Variants in ZNF764 observed in about 807,000 individuals in gnomAD.
ZNF764 encodes the protein zinc finger protein 764.
A neutral mutation model predicts 13.9 loss-of-function variants in ZNF764; 10 were observed. The ratio of observed to expected loss-of-function variants is 0.72; its 90% CI spans 0.44 to 1.22. ZNF764 has a LOEUF of 1.22. Among genes scored for constraint, ZNF764 ranks in the 50% most tolerant of loss-of-function variants. The pLI is 0.00. For missense variants in ZNF764, 647 were observed against 589.7 expected (o/e 1.10, Z -1.01); for synonymous variants, 313 against 255.1 (o/e 1.23, Z -2.16).
rs2051545656 is a variant in ZNF764 at position 30,555,623 on chromosome 16, G to A, written c.795C>T (p.Arg265=). The change falls in exon 3 of 3, where the codon CGC becomes CGT. Residue 265 remains arginine (R), a synonymous_variant. Transcript: ENST00000395091. The stretch of plus-strand genomic sequence containing the variant: ...AGAGGGCAGAGCTCTGGCTGAAGCG[G>A]CGGCCACAGTCGGCGCAGCCATAGG... The part of the protein sequence containing the change: ...EKPYGCADCG[R]RFSQSSALYQ... 2 of 1,541,216 alleles carry A rather than the reference G, an allele frequency of 1.3e-6. No individual in the cohort carries two copies. The highest frequency in any genetic ancestry group is 2.0e-5 in the Admixed American group (1 of 51,198).
chr16:30,556,633 A>G (rs974558774), intron 2 of ZNF764, among the ~76,000 whole-genome samples: 1 of 150,674 alleles, frequency 6.6e-6, no homozygotes, highest in Non-Finnish European at 1.5e-5. Context: ...GGAGGTAGAG[A>G]AGGAGGATCA....
chr16:30,558,049 G>A lies in ZNF764; in HGVS notation c.134C>T (p.Pro45Leu). 6.2e-7 allele frequency: 1 copy of A among 1,612,052 alleles called. No individual in the cohort carries two copies. Among genetic ancestry groups the A allele is most frequent in the Non-Finnish European group, 8.5e-7 (1 of 1,179,388 alleles). Residue 45 changes from proline to leucine, a missense_variant, in exon 1 of 3, where the codon CCA becomes CTA. Physicochemically the swap from Pro to Leu is moderately conservative, Grantham distance 98. Coordinates refer to ENST00000395091, the MANE Select transcript of ZNF764 (RefSeq NM_001172679.2). ...GTCCCGGTACAGGGCCCTCTGCGCT[G>A]GCCGCAAGCAGCCCCACTCCTCCCG... ...FCREEWGCLRPAQRALYRDVM... is the reference protein window; with the variant it reads ...FCREEWGCLRLAQRALYRDVM...
At chr16:30,556,149 C>T in intron 2 of ZNF764, 42 bp from the exon 3 acceptor site, 4 of 1,604,726 alleles carry the variant, frequency 2.5e-6, no homozygotes, top group Non-Finnish European at 3.4e-6. Context: ...CTCGGCTCAT[C>T]CTGGTCCTTG....
In ZNF764 at chr16:30,558,266, T is replaced by TACCCGG; in HGVS notation, c.-85_-84insCCGGGT. ...GGAACCTCCTGCGCCCGAGAAAGCC[T>TACCCGG]CCCCGGCCCGGGCCCAAGGGAAGGA... On this transcript the variant is annotated 5_prime_UTR_variant, in exon 1 of 3. Transcript: ENST00000395091. 7.0e-7 allele frequency: 1 copy of TACCCGG among 1,420,572 alleles called. No individual in the cohort carries two copies. Among genetic ancestry groups the TACCCGG allele is most frequent in the African/African-American group, 1.4e-5 (1 of 69,160 alleles). 88.0% of individuals were successfully genotyped at this position (1,420,572 alleles called of 1,614,324 possible). A position where few individuals can be genotyped will look rare whatever the true frequency, so the allele number is the denominator to read the frequency against.
At position 30,555,071 on chromosome 16, in the gene ZNF764, C is replaced by T; in HGVS notation, c.*123G>A. The T allele has an allele frequency of 8.3e-7, 1 of 1,205,144 alleles. No individual in the cohort carries two copies. Among genetic ancestry groups the T allele is most frequent in the Non-Finnish European group, 1.1e-6 (1 of 874,200 alleles). 74.7% of individuals were successfully genotyped at this position (1,205,144 alleles called of 1,614,324 possible). A position where few individuals can be genotyped will look rare whatever the true frequency, so the allele number is the denominator to read the frequency against. ...TGCTAAGGGCCCAAGATCAGACTGT[C>T]CGCACCCCAGGGCCAGCTCTTGCCC... On this transcript the variant is annotated 3_prime_UTR_variant, in exon 3 of 3. Coordinates refer to ENST00000395091, the MANE Select transcript of ZNF764 (RefSeq NM_001172679.2).
rs752011232 is a variant in ZNF764 at position 30,555,785 on chromosome 16, G to A, written c.633C>T (p.Phe211=). 2.7e-5 allele frequency: 43 copies of A among 1,609,966 alleles called. No homozygotes were observed. The East Asian group carries it at 6.5e-4, about 24-fold the overall frequency. ...PFHCTDCGKG[F]GHASSLSKHR... ...GTTTGCTCAGGGAGGAAGCGTGGCC[G>A]AAGCCCTTGCCGCAGTCAGTGCAGT... is the stretch of plus-strand genomic sequence containing the variant. The change falls in exon 3 of 3, where the codon TTC becomes TTT. Residue 211 remains phenylalanine (F), a synonymous_variant. Coordinates refer to ENST00000395091, the MANE Select transcript of ZNF764 (RefSeq NM_001172679.2).
At position 30,558,256 on chromosome 16, in the gene ZNF764, C is replaced by T; in HGVS notation, c.-74G>A. The stretch of plus-strand genomic sequence containing the variant: ...CTGGGCCTGCGGAACCTCCTGCGCC[C>T]GAGAAAGCCTCCCCGGCCCGGGCCC... On this transcript the variant is annotated 5_prime_UTR_variant, in exon 1 of 3. Transcript: ENST00000395091. 2.8e-6 allele frequency: 4 copies of T among 1,436,854 alleles called. No individual in the cohort carries two copies. Among genetic ancestry groups the T allele is most frequent in the Non-Finnish European group, 3.7e-6 (4 of 1,094,952 alleles). 89.0% of individuals were successfully genotyped at this position (1,436,854 alleles called of 1,614,324 possible). A position where few individuals can be genotyped will look rare whatever the true frequency, so the allele number is the denominator to read the frequency against.
At chr16:30,556,764 G>C (rs1025887254) in intron 2 of ZNF764, among the ~76,000 whole-genome samples, 2 of 152,094 alleles carry the variant, frequency 1.3e-5, no homozygotes, top group Admixed American at 6.5e-5. Flanking sequence ...ACTTTGGAAG[G>C]CCGAAGCAGG....
At position 30,554,113 on chromosome 16, in the gene ZNF764, G is replaced by A. The variant is rs578190426; in HGVS notation, c.*1081C>T. 9.8e-4 allele frequency: 150 copies of A among 152,350 alleles called. No individual in the cohort carries two copies. The highest frequency in any genetic ancestry group is 3.5e-3 in the African/African-American group (147 of 41,578). The allele number at this position is 152,350 out of a possible 1,614,324, so 9.4% of individuals were successfully genotyped here. On this transcript the variant is annotated 3_prime_UTR_variant, in exon 3 of 3. Coordinates refer to ENST00000395091, the MANE Select transcript of ZNF764 (RefSeq NM_001172679.2). ...GGCTCCGGCTCAGCTCCCAACAACTGTGGTTTTGTCGGAGCCTAGGTCGAG... is the reference window on the plus strand; with the variant it reads ...GGCTCCGGCTCAGCTCCCAACAACTATGGTTTTGTCGGAGCCTAGGTCGAG...
Position 30,555,641 on chromosome 16 carries a change from G to A in ZNF764, c.777C>T (p.Gly259=). The change falls in exon 3 of 3, where the codon GGC becomes GGT. Residue 259 remains glycine, a synonymous_variant. Transcript: ENST00000395091. ...LRVHTGEKPY[G]CADCGRRFSQ... ...TGAAGCGGCGGCCACAGTCGGCGCA[G>A]CCATAGGGTTTCTCGCCGGTGTGGA... 1.3e-6 allele frequency: 2 copies of A among 1,542,432 alleles called. No homozygotes were observed. Among genetic ancestry groups the A allele is most frequent in the Non-Finnish European group, 8.7e-7 (1 of 1,148,844 alleles).
rs1030446568 is a variant in ZNF764, at chr16:30,554,983, C to A, written c.*211G>T. 4 of 575,504 alleles carry A rather than the reference C, an allele frequency of 7.0e-6. No individual in the cohort carries two copies. Among genetic ancestry groups the A allele is most frequent in the Non-Finnish European group, 1.2e-5 (4 of 342,514 alleles). 35.6% of individuals were successfully genotyped at this position (575,504 alleles called of 1,614,324 possible). Reference sequence around the variant, plus strand: ...TCTGGGGGTTCTCAACTCAGCCCTGCCTCAGTAGAGGGGGCCTTGGAGAGC... The same window carrying A: ...TCTGGGGGTTCTCAACTCAGCCCTGACTCAGTAGAGGGGGCCTTGGAGAGC... On this transcript the variant is annotated 3_prime_UTR_variant, in exon 3 of 3. Coordinates refer to ENST00000395091, the MANE Select transcript of ZNF764 (RefSeq NM_001172679.2).
intron 2 of ZNF764, among the ~76,000 whole-genome samples, 198 bp from the exon 3 acceptor site, chr16:30,556,305 A>G (rs911721618): frequency 3.9e-5 from 6 of 151,938 alleles, no homozygotes; most frequent in African/African-American, 4.8e-5. Flanking sequence ...GGGCTGGGGA[A>G]ATGTCACGGT....
intron 2 of ZNF764, 34 bp from the exon 3 acceptor site, chr16:30,556,141 C>A: frequency 6.2e-7 from 1 of 1,606,264 alleles, no homozygotes; most frequent in Non-Finnish European, 8.5e-7. Flanking sequence ...AGTTCAGGCT[C>A]GGCTCATCCT....
Position 30,556,679 on chromosome 16 carries a change from G to A in ZNF764, c.311-572C>T, listed in dbSNP as rs527928143. On this transcript the variant is annotated intron_variant, in intron 2 of 2. Transcript: ENST00000395091. ...TCAGGACCAGCCTGGGCAACACACCGAGAGCCAAGACCCCCTCTATAAAAT... is the reference window on the plus strand; with the variant it reads ...TCAGGACCAGCCTGGGCAACACACCAAGAGCCAAGACCCCCTCTATAAAAT... 4.3e-4 allele frequency among the ~76,000 whole-genome samples: 66 copies of A among 151,888 alleles called. No homozygotes were observed. The Middle Eastern group carries it at 0.01, about 23-fold the overall frequency.
chr16:30,555,086 A>G lies in ZNF764; in HGVS notation c.*108T>C. 7.4e-7 allele frequency: 1 copy of G among 1,350,292 alleles called. No individual in the cohort carries two copies. Among genetic ancestry groups the G allele is most frequent in the South Asian group, 1.4e-5 (1 of 69,152 alleles). 83.6% of individuals were successfully genotyped at this position (1,350,292 alleles called of 1,614,324 possible). A position where few individuals can be genotyped will look rare whatever the true frequency, so the allele number is the denominator to read the frequency against. On this transcript the variant is annotated 3_prime_UTR_variant, in exon 3 of 3. Transcript: ENST00000395091. ...ATCAGACTGTCCGCACCCCAGGGCCAGCTCTTGCCCTAGATTCTGGGACCT... is the reference window on the plus strand; with the variant it reads ...ATCAGACTGTCCGCACCCCAGGGCCGGCTCTTGCCCTAGATTCTGGGACCT...
At position 30,555,910 on chromosome 16, in the gene ZNF764, C is replaced by T. The variant is rs1481942017; in HGVS notation, c.508G>A (p.Ala170Thr). 3 of 1,611,616 alleles carry T rather than the reference C, an allele frequency of 1.9e-6. No homozygotes were observed. The highest frequency in any genetic ancestry group is 4.5e-5 in the East Asian group (2 of 44,866). ...SLCAHPPVPR[A>T]DQRHGCYVCG... ...ACGTAGCAGCCATGACGCTGGTCAG[C>T]TCGGGGGACAGGGGGGTGGGCACAG... The change falls in exon 3 of 3, where the codon GCT becomes ACT. Residue 170 changes from alanine (A) to threonine (T), a missense_variant. Physicochemically the swap from Ala to Thr is moderately conservative, Grantham distance 58 (BLOSUM62 0). Coordinates refer to ENST00000395091, the MANE Select transcript of ZNF764 (RefSeq NM_001172679.2).
rs555140386 is a variant in ZNF764, at chr16:30,555,867, G to A, written c.551C>T (p.Ala184Val). 10 of 1,612,422 alleles carry A rather than the reference G, an allele frequency of 6.2e-6. No homozygotes were observed. In the South Asian group the frequency reaches 8.8e-5, roughly 14 times the overall value. ...GTGCTCCACCAGTGTGGAGCGCCAG[G>A]CAAAGCTCTTCCCGCACACGTAGCA... is the stretch of plus-strand genomic sequence containing the variant. Reference protein sequence around the residue: ...HGCYVCGKSFAWRSTLVEHVY... With the variant: ...HGCYVCGKSFVWRSTLVEHVY... Residue 184 changes from alanine (A) to valine (V), a missense_variant, in exon 3 of 3, where the codon GCC becomes GTC. Coordinates refer to ENST00000395091, the MANE Select transcript of ZNF764 (RefSeq NM_001172679.2).
Position 30,555,320 on chromosome 16 carries a change from G to A in ZNF764, c.1098C>T (p.Pro366=), listed in dbSNP as rs200032214. ...CCCGGCCCCTGTGGCCCCCGGCCCC[G>A]GGCCGATGAACCCACTGGTGTTTGG... ...AVAKHQWVHR[P]GAGGHRGRVA... Residue 366 remains proline, a synonymous_variant, in exon 3 of 3, where the codon CCC becomes CCT. Coordinates refer to ENST00000395091, the MANE Select transcript of ZNF764 (RefSeq NM_001172679.2). The A allele has an allele frequency of 4.9e-4, 788 of 1,609,558 alleles. 7 individuals carry two copies. In the East Asian group the frequency reaches 0.015, roughly 30 times the overall value.
At position 30,555,949 on chromosome 16, in the gene ZNF764, C is replaced by A. The variant is rs746878942; in HGVS notation, c.469G>T (p.Gly157Ter). The A allele has an allele frequency of 3.7e-6, 6 of 1,611,642 alleles. No individual in the cohort carries two copies. ...WEQLSKAPHR[G>*]RPSLCAHPPV... ...GGGTGGGCACAGAGGGAGGGGCGTC[C>A]CCGGTGCGGTGCCTTGGACAGCTGC... Residue 157 changes from glycine to a stop codon, truncating the protein, a stop_gained, in exon 3 of 3, where the codon GGA (glycine) becomes TGA (stop). Coordinates refer to ENST00000395091, the MANE Select transcript of ZNF764 (RefSeq NM_001172679.2). LOFTEE classifies it low-confidence loss of function (END_TRUNC).
Sources: gnomAD v4.1 joint callset for allele counts (sites outside exome capture counted in the v4.1 genomes callset) on GRCh38, gnomAD v4.1.1 for gene constraint, MANE v1.5 for transcripts, NCBI Gene and HGNC (gene_info 2026-07-23, HGNC 2026-07-21) for gene names.